Variants in AADACL2 observed in about 807,000 individuals in gnomAD.
AADACL2 encodes the protein arylacetamide deacetylase-like 2.
In AADACL2, 23 loss-of-function variants were observed where a neutral mutation model predicts 22.3. The observed-to-expected ratio is 1.03, with a 90% CI of 0.74 to 1.46. The LOEUF (loss-of-function observed/expected upper bound fraction) is 1.46, where lower values mean the gene tolerates loss of function less well. Ranked by LOEUF, AADACL2 falls within the 40% of genes most tolerant of loss-of-function variation. AADACL2 has a pLI of 0.00. For missense variants in AADACL2, 472 were observed against 482.9 expected, an observed-to-expected ratio of 0.98 and a Z score of 0.21; for synonymous variants, 177 against 166.2, an observed-to-expected ratio of 1.07 and a Z score of -0.50.
chr3:151,745,440 A>G, intron 3 of AADACL2, 69 bp from the exon 4 acceptor site: 1 of 1,474,904 alleles, frequency 6.8e-7, no homozygotes, highest in Non-Finnish European at 9.2e-7. Context: ...ATTAAATTGC[A>G]TCTATTTGGT....
At chr3:151,754,970 T>C (rs541179233) in intron 4 of AADACL2, 2 of 152,210 alleles carry the variant, frequency 1.3e-5, no homozygotes, top group South Asian at 2.1e-4. Context: ...ATGTGCACTT[T>C]TGAACTTTGC....
intron 4 of AADACL2, among the ~76,000 whole-genome samples, chr3:151,756,223 G>A (rs1713898390): frequency 6.6e-6 from 1 of 152,092 alleles, no homozygotes; most frequent in Non-Finnish European, 1.5e-5. Flanking sequence ...CCTGCAGTCT[G>A]CAGGGTCATA....
chr3:151,749,776 C>T (rs1421706834), intron 4 of AADACL2, among the ~76,000 whole-genome samples: 3 of 151,522 alleles, frequency 2.0e-5, no homozygotes, highest in Non-Finnish European at 4.4e-5. Context: ...CCACTGCACC[C>T]GGCCCAGACT....
chr3:151,757,280 A>G lies in AADACL2; in HGVS notation c.892A>G (p.Thr298Ala), dbSNP rs753162344. Residue 298 changes from threonine to alanine, a missense_variant, in exon 5 of 5, where the codon ACT (threonine) becomes GCT (alanine). Coordinates refer to ENST00000356517, the MANE Select transcript of AADACL2 (RefSeq NM_207365.4). Reference sequence around the variant, plus strand: ...GAAGTATAGAAAAGACTATGTATATACTGAACCAATTCTTGGAGGACTTAG... The same window carrying G: ...GAAGTATAGAAAAGACTATGTATATGCTGAACCAATTCTTGGAGGACTTAG... The part of the protein sequence containing the change: ...PEKYRKDYVY[T>A]EPILGGLSYS... 5.6e-6 allele frequency: 9 copies of G among 1,613,696 alleles called. No individual in the cohort carries two copies. In the African/African-American group the frequency reaches 9.3e-5, roughly 17 times the overall value.
rs202223368 is a variant in AADACL2 at position 151,740,656 on chromosome 3, T to C, written c.149T>C (p.Phe50Ser). The change falls in exon 2 of 5, where the codon TTT (phenylalanine) becomes TCT (serine). Residue 50 changes from phenylalanine (F) to serine (S), a missense_variant. This residue lies in a region of AADACL2 where 356 missense variants were observed against 365.5 expected (regional missense o/e 0.97). Coordinates refer to ENST00000356517, the MANE Select transcript of AADACL2 (RefSeq NM_207365.4). ...AKTCTFTAMCFENMRIMRYEE... is the reference protein window; with the variant it reads ...AKTCTFTAMCSENMRIMRYEE... ...GTTTTGTTCTTACAGGCTATGTGTT[T>C]TGAAAATATGCGTATTATGAGATAT... is the stretch of plus-strand genomic sequence containing the variant. 8 of 1,607,292 alleles carry C rather than the reference T, an allele frequency of 5.0e-6. No homozygotes were observed. In the East Asian group the frequency reaches 1.3e-4, roughly 27 times the overall value.
chr3:151,739,478 C>G (rs2100165), intron 1 of AADACL2, among the ~76,000 whole-genome samples: 102,880 of 152,062 alleles, frequency 0.68, 34,910 homozygotes, highest in South Asian at 0.75. Flanking sequence ...CAGGGGTCAG[C>G]GAACCATTTG....
chr3:151,759,106 T>A lies in AADACL2; in HGVS notation c.*1512T>A, dbSNP rs1485898381. ...GAAAATAAGTATCATGGGAATCTGT[T>A]TTTTTCCTCTGAGAAATAAAATCTA... On this transcript the variant is annotated 3_prime_UTR_variant, in exon 5 of 5. Coordinates refer to ENST00000356517, the MANE Select transcript of AADACL2 (RefSeq NM_207365.4). The A allele has an allele frequency of 6.6e-6, 1 of 152,110 alleles. No individual in the cohort carries two copies. The highest frequency in any genetic ancestry group is 1.5e-5 in the Non-Finnish European group (1 of 67,980). 9.4% of individuals were successfully genotyped at this position (152,110 alleles called of 1,614,324 possible). A position where few individuals can be genotyped will look rare whatever the true frequency, so the allele number is the denominator to read the frequency against.
chr3:151,750,996 A>G (rs1713645964), intron 4 of AADACL2, among the ~76,000 whole-genome samples: 1 of 152,158 alleles, frequency 6.6e-6, no homozygotes. Context: ...CTTCATGTTT[A>G]GAGCTCTAAG....
chr3:151,743,328 C>G (rs756399068), intron 2 of AADACL2, among the ~76,000 whole-genome samples: 1 of 152,046 alleles, frequency 6.6e-6, no homozygotes. Flanking sequence ...TTTCTAGGAT[C>G]TTGTGGTAAA....
At chr3:151,742,890 G>A (rs1389293900) in intron 2 of AADACL2, among the ~76,000 whole-genome samples, 7 of 152,090 alleles carry the variant, frequency 4.6e-5, no homozygotes, top group Non-Finnish European at 1.0e-4. Context: ...ATACCTGATT[G>A]TGATTGAGGG....
chr3:151,757,674 T>C lies in AADACL2; in HGVS notation c.*80T>C. The stretch of plus-strand genomic sequence containing the variant: ...TGTGGTTTTGGAGCAAAGAACAATG[T>C]CATTTGAGTTATCTAAATCTACATT... On this transcript the variant is annotated 3_prime_UTR_variant, in exon 5 of 5. Coordinates refer to ENST00000356517, the MANE Select transcript of AADACL2 (RefSeq NM_207365.4). 1 of 1,453,148 alleles carries C rather than the reference T, an allele frequency of 6.9e-7. No individual in the cohort carries two copies. The highest frequency in any genetic ancestry group is 9.2e-7 in the Non-Finnish European group (1 of 1,081,972). 90.0% of individuals were successfully genotyped at this position (1,453,148 alleles called of 1,614,324 possible). A position where few individuals can be genotyped will look rare whatever the true frequency, so the allele number is the denominator to read the frequency against.
intron 2 of AADACL2, among the ~76,000 whole-genome samples, chr3:151,743,856 C>T (rs1713354723): frequency 6.6e-6 from 1 of 152,112 alleles, no homozygotes; most frequent in Admixed American, 6.6e-5. Context: ...CTAGTTGATC[C>T]TCCCCAAAAT....
Position 151,735,164 on chromosome 3 carries a change from TCTTA to T in AADACL2, c.138+995_138+998del, listed in dbSNP as rs759645833. 5.0e-4 allele frequency among the ~76,000 whole-genome samples: 76 copies of T among 152,330 alleles called. 1 individual carries two copies. The highest frequency in any genetic ancestry group is 1.9e-3 in the Admixed American group (29 of 15,292). ...CTTCTCCATAAATTTTCTCCAATGC[TCTTA>T]CTTCTTGAGTAAGCATAAGTGGGTA... On this transcript the variant is annotated intron_variant, in intron 1 of 4. Transcript: ENST00000356517.
chr3:151,747,649 C>A (rs1713499556), intron 4 of AADACL2, among the ~76,000 whole-genome samples: 2 of 151,378 alleles, frequency 1.3e-5, no homozygotes, highest in Non-Finnish European at 1.5e-5. Flanking sequence ...TAGATACACA[C>A]ACACACACAC....
rs1265989281 is a variant in AADACL2, at chr3:151,759,804, G to C, written c.*2210G>C. 1 of 152,062 alleles carries C rather than the reference G, an allele frequency of 6.6e-6. No homozygotes were observed. Among genetic ancestry groups the C allele is most frequent in the Non-Finnish European group, 1.5e-5 (1 of 67,994 alleles). The allele number at this position is 152,062 out of a possible 1,614,324, so 9.4% of individuals were successfully genotyped here. On this transcript the variant is annotated 3_prime_UTR_variant, in exon 5 of 5. Coordinates refer to ENST00000356517, the MANE Select transcript of AADACL2 (RefSeq NM_207365.4). ...CACTGTTACTGTTTGTATGCTAAAG[G>C]GTTCATTTCACTGGGTCTTACTTTC... is the stretch of plus-strand genomic sequence containing the variant.
intron 4 of AADACL2, among the ~76,000 whole-genome samples, chr3:151,749,188 T>A (rs1476091944): frequency 6.6e-6 from 1 of 152,180 alleles, no homozygotes; most frequent in Non-Finnish European, 1.5e-5. Context: ...CATTTACTTG[T>A]GTCTTCTTCT....
At chr3:151,756,688 A>C (rs908799147) in intron 4 of AADACL2, among the ~76,000 whole-genome samples, 2 of 151,488 alleles carry the variant, frequency 1.3e-5, no homozygotes, top group Non-Finnish European at 2.9e-5. Flanking sequence ...GTGATTTTTG[A>C]CCAAAAAATC....
chr3:151,735,225 T>C (rs991014295), intron 1 of AADACL2, among the ~76,000 whole-genome samples: 7 of 152,220 alleles, frequency 4.6e-5, no homozygotes, highest in Non-Finnish European at 7.3e-5. Context: ...GAAAATACTA[T>C]GCTCCCTTTC....
intron 3 of AADACL2, among the ~76,000 whole-genome samples, 187 bp downstream of exon 3, chr3:151,744,349 A>C (rs1211137166): frequency 6.6e-6 from 1 of 152,138 alleles, no homozygotes; most frequent in Admixed American, 6.6e-5. Flanking sequence ...GATTGTGAGA[A>C]TATCTGAATT....
Sources: allele counts gnomAD v4.1 joint callset (sites outside exome capture counted in the v4.1 genomes callset), GRCh38; gene constraint gnomAD v4.1.1; regional missense constraint gnomAD v4.1.1; transcripts MANE v1.5; gene names NCBI Gene and HGNC (gene_info 2026-07-23, HGNC 2026-07-21).